DSCAM: variants seen among roughly 807,000 people sequenced by gnomAD.
DSCAM encodes DS cell adhesion molecule, also known as cell adhesion molecule DSCAM.
DSCAM carries 47 observed loss-of-function variants against 217.7 expected under a neutral mutation model. That is an observed-to-expected ratio of 0.22 (90% CI 0.17 to 0.28). The LOEUF (loss-of-function observed/expected upper bound fraction) is 0.28, where lower values mean the gene tolerates loss of function less well. DSCAM is among the 10% of genes least tolerant of loss of function. DSCAM has a pLI of 1.00. For missense variants in DSCAM, 2,080 were observed against 2,618.3 expected, an observed-to-expected ratio of 0.79 and a Z score of 4.49; for synonymous variants, 1,056 against 1,015.3, an observed-to-expected ratio of 1.04 and a Z score of -0.76.
intron 20 of DSCAM, among the ~76,000 whole-genome samples, chr21:40,103,059 T>C (rs1171225458): frequency 6.6e-6 from 1 of 152,206 alleles, no homozygotes; most frequent in Non-Finnish European, 1.5e-5. Context: ...TTGTACTAGG[T>C]GAGTTTAGTA....
intron 16 of DSCAM, among the ~76,000 whole-genome samples, chr21:40,154,036 T>G (rs900478027): frequency 8.5e-5 from 13 of 152,134 alleles, no homozygotes; most frequent in Non-Finnish European, 1.6e-4. Flanking sequence ...ACAATAGGTA[T>G]AGGGGTGGTG....
At chr21:40,502,714 C>T (rs1383806347) in intron 3 of DSCAM, among the ~76,000 whole-genome samples, 1 of 152,120 alleles carries the variant, frequency 6.6e-6, no homozygotes, top group Non-Finnish European at 1.5e-5. Context: ...AGATAATCCA[C>T]AATAATTTTC....
At chr21:40,454,029 G>A (rs1417097241) in intron 3 of DSCAM, among the ~76,000 whole-genome samples, 1 of 152,164 alleles carries the variant, frequency 6.6e-6, no homozygotes, top group Admixed American at 6.5e-5. Context: ...GCCTAGGTAG[G>A]ATAAAGAAAA....
intron 11 of DSCAM, among the ~76,000 whole-genome samples, chr21:40,216,527 G>A (rs994683759): frequency 4.6e-5 from 7 of 152,068 alleles, no homozygotes; most frequent in African/African-American, 1.7e-4. Flanking sequence ...GAAATCATAG[G>A]CTTATCTACA....
At chr21:40,373,700 G>A (rs1451736754) in intron 3 of DSCAM, among the ~76,000 whole-genome samples, 1 of 152,238 alleles carries the variant, frequency 6.6e-6, no homozygotes, top group East Asian at 1.9e-4. Context: ...TTCTTATGAA[G>A]AATCAAATTA....
chr21:40,693,052 T>A, intron 2 of DSCAM, 96 bp from the exon 3 acceptor site: 3 of 1,327,962 alleles, frequency 2.3e-6, no homozygotes, highest in Non-Finnish European at 2.0e-6. Context: ...CACACACACA[T>A]CAATTGCATA....
intron 3 of DSCAM, among the ~76,000 whole-genome samples, chr21:40,584,147 G>A (rs1313851462): frequency 6.6e-6 from 1 of 152,126 alleles, no homozygotes; most frequent in African/African-American, 2.4e-5. Context: ...AAGAAGCACA[G>A]AGAAGCTGAT....
At chr21:40,351,427 G>A (rs1360396487) in intron 5 of DSCAM, among the ~76,000 whole-genome samples, 1 of 152,202 alleles carries the variant, frequency 6.6e-6, no homozygotes, top group African/African-American at 2.4e-5. Context: ...ATTTCTGAAA[G>A]AAAGCTGGTT....
In DSCAM at chr21:40,602,252, G is replaced by A. The variant is rs181311338; in HGVS notation, c.508+90558C>T. Among the ~76,000 whole-genome samples, 461 of 152,084 alleles carry A rather than the reference G, an allele frequency of 3.0e-3. 4 individuals carry two copies. Among genetic ancestry groups the A allele is most frequent in the Non-Finnish European group, 2.1e-3 (146 of 67,988 alleles). On this transcript the variant is annotated intron_variant, in intron 3 of 32. Coordinates refer to ENST00000400454, the MANE Select transcript of DSCAM (RefSeq NM_001389.5). ...ATTATTTGTATTTTTTGTAGAGACA[G>A]GGTTTGTCATGTTGCCCAGGCTGGT... is the stretch of plus-strand genomic sequence containing the variant.
intron 3 of DSCAM, among the ~76,000 whole-genome samples, chr21:40,396,922 C>A (rs2123765857): frequency 6.6e-6 from 1 of 152,288 alleles, no homozygotes; most frequent in African/African-American, 2.4e-5. Flanking sequence ...CATCAAAGAA[C>A]TGAAACTTCC....
chr21:40,012,688 T>TTC lies in DSCAM; in HGVS notation c.*344_*345dup, dbSNP rs1051742352. 6.2e-6 allele frequency: 1 copy of TTC among 162,506 alleles called. No individual in the cohort carries two copies. Among genetic ancestry groups the TTC allele is most frequent in the Non-Finnish European group, 1.3e-5 (1 of 75,226 alleles). 10.1% of individuals were successfully genotyped at this position (162,506 alleles called of 1,614,324 possible). The stretch of plus-strand genomic sequence containing the variant: ...AGGCTGATTTCCCACCCACCCTGTT[T>TTC]TCTTTCTTGCCTCTTGTGTGATAGA... On this transcript the variant is annotated 3_prime_UTR_variant, in exon 33 of 33. Transcript: ENST00000400454.
At chr21:40,631,075 G>A (rs1166752435) in intron 3 of DSCAM, among the ~76,000 whole-genome samples, 2 of 152,178 alleles carry the variant, frequency 1.3e-5, no homozygotes, top group African/African-American at 2.4e-5. Flanking sequence ...AGGACACCAT[G>A]TTATGTAGCA....
chr21:40,313,120 T>TAA (rs531764117), intron 8 of DSCAM, among the ~76,000 whole-genome samples: 64,435 of 134,820 alleles, frequency 0.48, 14,807 homozygotes, highest in South Asian at 0.58. Context: ...TCTAAAAAAC[T>TAA]AAAAAAAAAA....
At chr21:40,547,556 G>A (rs960948404) in intron 3 of DSCAM, among the ~76,000 whole-genome samples, 8 of 152,258 alleles carry the variant, frequency 5.3e-5, no homozygotes, top group Admixed American at 2.0e-4. Context: ...CAGAAAAATC[G>A]GGAGACAGAA....
intron 3 of DSCAM, among the ~76,000 whole-genome samples, chr21:40,670,357 G>A (rs2090257657): frequency 7.2e-6 from 1 of 138,084 alleles, no homozygotes; most frequent in Non-Finnish European, 1.5e-5. Flanking sequence ...CCAACATGGT[G>A]AAGCCTCATC....
chr21:40,268,534 C>T (rs1273058716), intron 11 of DSCAM, among the ~76,000 whole-genome samples: 1 of 151,110 alleles, frequency 6.6e-6, no homozygotes, highest in East Asian at 1.9e-4. Context: ...GGCGCAATTA[C>T]CCCAAAGTTA....
chr21:40,212,954 G>T (rs950290122), intron 11 of DSCAM, among the ~76,000 whole-genome samples: 2 of 152,176 alleles, frequency 1.3e-5, no homozygotes, highest in Non-Finnish European at 2.9e-5. Context: ...GCAGTGTGAA[G>T]GGTTGAGGAA....
intron 3 of DSCAM, among the ~76,000 whole-genome samples, chr21:40,448,869 C>CA (rs1569128264): frequency 6.6e-6 from 1 of 152,178 alleles, no homozygotes; most frequent in African/African-American, 2.4e-5. Context: ...CAAACTGCCA[C>CA]AAACTTAGTG....
chr21:40,476,792 G>T (rs796204867), intron 3 of DSCAM, among the ~76,000 whole-genome samples: 1 of 152,058 alleles, frequency 6.6e-6, no homozygotes, highest in African/African-American at 2.4e-5. Flanking sequence ...CCCTGCTAAG[G>T]CCTCAATAAG....
Sources: gnomAD v4.1 joint callset for allele counts (sites outside exome capture counted in the v4.1 genomes callset) on GRCh38, gnomAD v4.1.1 for gene constraint, MANE v1.5 for transcripts, NCBI Gene and HGNC (gene_info 2026-07-23, HGNC 2026-07-21) for gene names.